Variants in PTPN22 observed in about 807,000 individuals in gnomAD.
PTPN22 encodes the protein protein tyrosine phosphatase non-receptor type 22, also known as tyrosine-protein phosphatase non-receptor type 22.
PTPN22 carries 85 observed loss-of-function variants against 103.3 expected under a neutral mutation model. The ratio of observed to expected loss-of-function variants is 0.82; its 90% CI spans 0.69 to 0.99. The LOEUF (loss-of-function observed/expected upper bound fraction) is 0.99. Ranked by LOEUF, PTPN22 falls within the 50% of genes least tolerant of loss-of-function variation. The pLI, the probability that PTPN22 is intolerant of heterozygous loss-of-function variation, is 0.00. For missense variants in PTPN22, 865 were observed against 936.9 expected (o/e 0.92, Z 1.00); for synonymous variants, 323 against 310.2 (o/e 1.04, Z -0.43).
At chr1:113,844,715 C>G (rs2102015328) in intron 11 of PTPN22, among the ~76,000 whole-genome samples, 1 of 152,308 alleles carries the variant, frequency 6.6e-6, no homozygotes, top group African/African-American at 2.4e-5. Context: ...TCCTTTGAGA[C>G]TTTCTCTTTG....
intron 10 of PTPN22, 146 bp downstream of exon 10, chr1:113,851,881 G>A: frequency 2.1e-6 from 1 of 469,020 alleles, no homozygotes; most frequent in Non-Finnish European, 3.7e-6. Flanking sequence ...GATATTCAGA[G>A]TTAGAGAAAA....
intron 11 of PTPN22, among the ~76,000 whole-genome samples, chr1:113,843,793 G>A (rs1663812736): frequency 6.6e-6 from 1 of 152,144 alleles, no homozygotes; most frequent in Admixed American, 6.5e-5. Context: ...CCATTTGATA[G>A]AATTCTCTAG....
chr1:113,847,239 T>C lies in PTPN22; in HGVS notation c.915+1301A>G, dbSNP rs530552113. Among the ~76,000 whole-genome samples, 1,370 of 142,810 alleles carry C rather than the reference T, an allele frequency of 9.6e-3. 19 individuals carry two copies. The highest frequency in any genetic ancestry group is 0.035 in the African/African-American group (1,279 of 36,244). The allele number at this position is 142,810 out of a possible 152,430, so 93.7% of individuals were successfully genotyped here. A position where few individuals can be genotyped will look rare whatever the true frequency, so the allele number is the denominator to read the frequency against. On this transcript the variant is annotated intron_variant, in intron 11 of 20. Coordinates refer to ENST00000359785, the Ensembl canonical transcript of PTPN22. ...ATCTTGTTTCTTTGCTGAGACTCTTTTTTTTTTTTTTTTGATGAGGCTTTG... is the reference window on the plus strand; with the variant it reads ...ATCTTGTTTCTTTGCTGAGACTCTTCTTTTTTTTTTTTTGATGAGGCTTTG...
At chr1:113,828,029 G>A (rs1209112440) in intron 18 of PTPN22, among the ~76,000 whole-genome samples, 1 of 152,060 alleles carries the variant, frequency 6.6e-6, no homozygotes, top group Non-Finnish European at 1.5e-5. Context: ...AATATATAAA[G>A]GGCATACCAT....
rs1279585079 is a variant in PTPN22, at chr1:113,840,731, G to A, written c.916-2111C>T. On this transcript the variant is annotated intron_variant, in intron 11 of 20. Transcript: ENST00000359785. ...GACACACTACCTGATTTCAAAAATTGCAACAGAGCTACAGTAATTAAAACA... is the reference window on the plus strand; with the variant it reads ...GACACACTACCTGATTTCAAAAATTACAACAGAGCTACAGTAATTAAAACA... Among the ~76,000 whole-genome samples, 4 of 152,156 alleles carry A rather than the reference G, an allele frequency of 2.6e-5. No homozygotes were observed. The East Asian group carries it at 7.7e-4, about 29-fold the overall frequency.
At chr1:113,848,392 C>T in intron 11 of PTPN22, 148 bp downstream of exon 11, 3 of 1,096,032 alleles carry the variant, frequency 2.7e-6, no homozygotes. Context: ...TTGTCATTTT[C>T]CACAGGAAAT....
intron 2 of PTPN22, 82 bp downstream of exon 2, chr1:113,859,270 A>T: frequency 6.5e-7 from 1 of 1,541,432 alleles, no homozygotes; most frequent in Non-Finnish European, 8.9e-7. Flanking sequence ...CAAGATCAGG[A>T]TCAGTAAGCA....
chr1:113,833,041 C>G, intron 16 of PTPN22, 70 bp downstream of exon 16: 3 of 1,418,786 alleles, frequency 2.1e-6, no homozygotes, highest in Non-Finnish European at 3.0e-6. Flanking sequence ...AAGTGAATTA[C>G]TCTAAACTTA....
In PTPN22 at chr1:113,814,084, T is replaced by C. The variant is rs1660992924; in HGVS notation, c.*821A>G. 2.6e-5 allele frequency: 4 copies of C among 152,434 alleles called. No homozygotes were observed. In the South Asian group the frequency reaches 8.3e-4, roughly 32 times the overall value. The allele number at this position is 152,434 out of a possible 1,614,324, so 9.4% of individuals were successfully genotyped here. On this transcript the variant is annotated 3_prime_UTR_variant, in exon 21 of 21. Coordinates refer to ENST00000359785, the Ensembl canonical transcript of PTPN22. Reference sequence around the variant, plus strand: ...TTACTACATAAAATTAGAGTTGAACTAGATTTTCTTATGGCAGATCCATAT... The same window carrying C: ...TTACTACATAAAATTAGAGTTGAACCAGATTTTCTTATGGCAGATCCATAT...
intron 10 of PTPN22, 62 bp from the exon 11 acceptor site, chr1:113,848,688 G>T: frequency 6.7e-7 from 1 of 1,489,640 alleles, no homozygotes; most frequent in South Asian, 1.2e-5. Context: ...TGAACGACAG[G>T]ACCAGATTTT....
At chr1:113,830,161 GA>G in intron 16 of PTPN22, 132 bp from the exon 17 acceptor site, 1 of 690,644 alleles carries the variant, frequency 1.4e-6, no homozygotes, top group South Asian at 2.2e-5. Flanking sequence ...AATATTATCT[GA>G]AAAATGACTG....
chr1:113,826,352 AAGAAAG>A (rs1662055805), intron 18 of PTPN22, among the ~76,000 whole-genome samples: 1 of 150,590 alleles, frequency 6.6e-6, no homozygotes, highest in Admixed American at 6.6e-5. Flanking sequence ...CTAAAAAAGA[AAGAAAG>A]AGAAAGAGAG....
chr1:113,825,459 A>C (rs1399675734), intron 18 of PTPN22, among the ~76,000 whole-genome samples: 2 of 152,192 alleles, frequency 1.3e-5, no homozygotes, highest in Non-Finnish European at 2.9e-5. Flanking sequence ...GCACTTTGAG[A>C]GGCCAAGGCA....
intron 1 of PTPN22, among the ~76,000 whole-genome samples, chr1:113,860,805 T>G (rs1010777441): frequency 6.6e-6 from 1 of 152,230 alleles, no homozygotes; most frequent in African/African-American, 2.4e-5. Context: ...TCTCCAGAAC[T>G]AAGCTCAGTG....
In PTPN22 at chr1:113,814,926, T is replaced by TG; in HGVS notation, c.2402dup (p.Pro802ThrfsTer24). 1 of 1,609,384 alleles carries TG rather than the reference T, an allele frequency of 6.2e-7. No homozygotes were observed. Among genetic ancestry groups the TG allele is most frequent in the Non-Finnish European group, 8.5e-7 (1 of 1,177,168 alleles). ...TTTATTAAATATTCCAAGTTGGTGG[T>TG]GGATTCCTTGGTCCTTTGGGTTTTG... is the stretch of plus-strand genomic sequence containing the variant. On this transcript the variant is annotated frameshift_variant, in exon 21 of 21. Transcript: ENST00000359785. LOFTEE classifies it high-confidence loss of function.
intron 10 of PTPN22, among the ~76,000 whole-genome samples, chr1:113,851,628 GGGTAGAAA>G (rs1218306652): frequency 1.3e-5 from 2 of 152,036 alleles, no homozygotes; most frequent in Admixed American, 1.3e-4. Context: ...ACCACATCCT[GGGTAGAAA>G]TTACAAATCC....
rs1662710393 is a variant in PTPN22 at position 113,833,232 on chromosome 1, A to G, written c.2026-94T>C. The G allele has an allele frequency of 1.0e-5, 9 of 876,068 alleles. No individual in the cohort carries two copies. The South Asian group carries it at 1.1e-4, about 11-fold the overall frequency. The allele number at this position is 876,068 out of a possible 1,614,324, so 54.3% of individuals were successfully genotyped here. Reference sequence around the variant, plus strand: ...AAATGGCATTTTTGAACTTATATGTAATATAGCTGTAGAGATAATTATGAA... The same window carrying G: ...AAATGGCATTTTTGAACTTATATGTGATATAGCTGTAGAGATAATTATGAA... On this transcript the variant is annotated intron_variant, in intron 15 of 20. Transcript: ENST00000359785.
chr1:113,815,024 A>T lies in PTPN22; in HGVS notation c.2360-55T>A. 2.3e-6 allele frequency: 3 copies of T among 1,289,132 alleles called. No individual in the cohort carries two copies. The South Asian group carries it at 3.8e-5, about 16-fold the overall frequency. The allele number at this position is 1,289,132 out of a possible 1,614,324, so 79.9% of individuals were successfully genotyped here. On this transcript the variant is annotated intron_variant, in intron 20 of 20. Transcript: ENST00000359785. The stretch of plus-strand genomic sequence containing the variant: ...GAAAGATGTTTTAAGTATAGAAATG[A>T]ATACTTGGATTTTAGAGTATATTAT...
intron 7 of PTPN22, among the ~76,000 whole-genome samples, chr1:113,855,302 C>G (rs1664948725): frequency 6.6e-6 from 1 of 152,024 alleles, no homozygotes; most frequent in African/African-American, 2.4e-5. Flanking sequence ...CAAGACCAAC[C>G]TGGCCAACAT....
Sources: allele counts gnomAD v4.1 joint callset (sites outside exome capture counted in the v4.1 genomes callset), GRCh38; gene constraint gnomAD v4.1.1; transcripts MANE v1.5; gene names NCBI Gene and HGNC (gene_info 2026-07-23, HGNC 2026-07-21).